Variants in CNTN4 observed in about 807,000 individuals in gnomAD.
The protein encoded by CNTN4 is contactin 4.
Under a neutral mutation model 122.5 loss-of-function variants are expected in CNTN4, and 77 were observed. The observed-to-expected ratio is 0.63, with a 90% CI of 0.52 to 0.76. The LOEUF (loss-of-function observed/expected upper bound fraction) is 0.76. Ranked by LOEUF, CNTN4 falls within the 30% of genes least tolerant of loss-of-function variation. The probability of loss-of-function intolerance (pLI) is 0.00; values close to 1 mark genes in which losing one functional copy is unlikely to be tolerated. For missense variants in CNTN4, 1,256 were observed against 1,259.1 expected (o/e 1.00, Z 0.04); for synonymous variants, 512 against 447.0 (o/e 1.15, Z -1.83).
chr3:2,569,733 G>C (rs1036555565), intron 3 of CNTN4, among the ~76,000 whole-genome samples: 3 of 152,038 alleles, frequency 2.0e-5, no homozygotes, highest in Non-Finnish European at 4.4e-5. Context: ...GTTGTAAATA[G>C]AATGAGATCT....
intron 2 of CNTN4, among the ~76,000 whole-genome samples, chr3:2,283,514 T>C (rs2041799133): frequency 6.6e-6 from 1 of 152,112 alleles, no homozygotes; most frequent in South Asian, 2.1e-4. Context: ...ACATGCCATA[T>C]AATGGGAACT....
chr3:2,268,941 A>G (rs1276905013), intron 2 of CNTN4, among the ~76,000 whole-genome samples: 1 of 152,084 alleles, frequency 6.6e-6, no homozygotes, highest in East Asian at 1.9e-4. Context: ...GTGGCTGATT[A>G]TCTTGTGCTA....
intron 2 of CNTN4, among the ~76,000 whole-genome samples, chr3:2,307,434 C>CA (rs61558669): frequency 0.014 from 1,793 of 124,470 alleles, 15 homozygotes; most frequent in Middle Eastern, 0.019. Flanking sequence ...GACTCCATCT[C>CA]AAAAAAAAAA....
At chr3:2,947,935 G>A (rs535480000) in intron 13 of CNTN4, among the ~76,000 whole-genome samples, 1 of 152,256 alleles carries the variant, frequency 6.6e-6, no homozygotes, top group Admixed American at 6.5e-5. Flanking sequence ...TGCCATTAAA[G>A]CTGTCTCTAT....
At chr3:2,249,434 C>CT (rs1388923910) in intron 2 of CNTN4, among the ~76,000 whole-genome samples, 4 of 151,876 alleles carry the variant, frequency 2.6e-5, no homozygotes, top group Non-Finnish European at 5.9e-5. Flanking sequence ...AGAAAGTGTA[C>CT]TTTTTTTCCA....
At chr3:2,952,402 A>G (rs2094755000) in intron 13 of CNTN4, among the ~76,000 whole-genome samples, 1 of 152,196 alleles carries the variant, frequency 6.6e-6, no homozygotes, top group South Asian at 2.1e-4. Context: ...TGTACTTAAA[A>G]TGGACTTAAT....
At chr3:3,027,362 A>C (rs535383284) in intron 15 of CNTN4, among the ~76,000 whole-genome samples, 52 of 152,326 alleles carry the variant, frequency 3.4e-4, no homozygotes, top group African/African-American at 1.1e-3. Flanking sequence ...ACTAGGGATT[A>C]TCTCTTGGGA....
chr3:2,362,350 G>C (rs976766583), intron 3 of CNTN4: 4 of 311,740 alleles, frequency 1.3e-5, no homozygotes, highest in South Asian at 1.1e-4. Context: ...AGGAGCTGTA[G>C]GTGTGACTGG....
At chr3:2,164,338 CTG>C in intron 2 of CNTN4, among the ~76,000 whole-genome samples, 1 of 152,018 alleles carries the variant, frequency 6.6e-6, no homozygotes, top group Non-Finnish European at 1.5e-5. Flanking sequence ...ATTCGCATAA[CTG>C]TAAGTAAAAA....
At chr3:2,605,495 A>G (rs2081220091) in intron 4 of CNTN4, among the ~76,000 whole-genome samples, 1 of 152,088 alleles carries the variant, frequency 6.6e-6, no homozygotes, top group Non-Finnish European at 1.5e-5. Context: ...TCTTGATATG[A>G]TCTAAATTTT....
rs116199792 is a variant in CNTN4, at chr3:2,202,792, G to A, written c.-145+102153G>A. 2.8e-3 allele frequency among the ~76,000 whole-genome samples: 425 copies of A among 151,604 alleles called. 2 individuals are homozygous for A. Among genetic ancestry groups the A allele is most frequent in the African/African-American group, 9.8e-3 (405 of 41,350 alleles). On this transcript the variant is annotated intron_variant, in intron 2 of 24. Coordinates refer to ENST00000418658, the MANE Select transcript of CNTN4 (RefSeq NM_175607.3). ...CCTATTATTAGGTGCTTATTTAACC[G>A]GAGAATTGCCATGTGTTTTTTGTAA...
rs149801763 is a variant in CNTN4 at position 2,822,410 on chromosome 3, G to C, written c.454+2829G>C. Among the ~76,000 whole-genome samples, 1,293 of 152,220 alleles carry C rather than the reference G, an allele frequency of 8.5e-3. 25 individuals are homozygous for C. The highest frequency in any genetic ancestry group is 0.03 in the African/African-American group (1,236 of 41,540). ...TAACTCGATAAGGGCTAAACATCTT[G>C]TTTATCAAGTGTGTTTGCATTATTG... On this transcript the variant is annotated intron_variant, in intron 7 of 24. Transcript: ENST00000418658.
chr3:3,009,045 A>G (rs1696923246), intron 14 of CNTN4: 1 of 985,390 alleles, frequency 1.0e-6, no homozygotes, highest in South Asian at 4.7e-5. Flanking sequence ...TGTTATTAGC[A>G]CAGTGAGCAA....
intron 2 of CNTN4, among the ~76,000 whole-genome samples, chr3:2,278,029 A>G (rs1295452166): frequency 6.6e-6 from 1 of 152,174 alleles, no homozygotes; most frequent in Non-Finnish European, 1.5e-5. Context: ...AAGTGTGTGC[A>G]GGACTGTCTA....
At chr3:2,585,723 G>T (rs189667753) in intron 4 of CNTN4, among the ~76,000 whole-genome samples, 60 of 151,294 alleles carry the variant, frequency 4.0e-4, no homozygotes, top group African/African-American at 1.4e-3. Context: ...AGCATTAGGA[G>T]ATACACCTAA....
intron 2 of CNTN4, among the ~76,000 whole-genome samples, chr3:2,256,552 G>A (rs1247055798): frequency 6.6e-6 from 1 of 152,128 alleles, no homozygotes; most frequent in Non-Finnish European, 1.5e-5. Context: ...GTAAAATACT[G>A]GCAAACCGAA....
intron 3 of CNTN4, among the ~76,000 whole-genome samples, chr3:2,366,412 T>C (rs1341374791): frequency 6.6e-6 from 1 of 152,106 alleles, no homozygotes; most frequent in Admixed American, 6.6e-5. Flanking sequence ...ATAATACTTT[T>C]CTAATTACAA....
At chr3:2,746,161 TAG>T (rs1312909056) in intron 6 of CNTN4, among the ~76,000 whole-genome samples, 1 of 33,984 alleles carries the variant, frequency 2.9e-5, no homozygotes, top group Non-Finnish European at 8.9e-5. Context: ...AGTAATTTAG[TAG>T]AGTCAATAAG....
At chr3:2,939,273 G>A (rs2094592226) in intron 13 of CNTN4, among the ~76,000 whole-genome samples, 1 of 152,006 alleles carries the variant, frequency 6.6e-6, no homozygotes. Flanking sequence ...ACAACATATG[G>A]CACCTAGAGG....
Sources: gnomAD v4.1 joint callset for allele counts (sites outside exome capture counted in the v4.1 genomes callset) on GRCh38, gnomAD v4.1.1 for gene constraint, MANE v1.5 for transcripts, NCBI Gene and HGNC (gene_info 2026-07-23, HGNC 2026-07-21) for gene names.